Variants in SPON1 observed in about 807,000 individuals in gnomAD.
SPON1 encodes spondin-1.
In SPON1, 52 loss-of-function variants were observed where a neutral mutation model predicts 111.7. That is an observed-to-expected ratio of 0.47 (90% CI 0.37 to 0.59). The LOEUF is 0.59. Ranked by LOEUF, SPON1 falls within the 20% of genes least tolerant of loss-of-function variation. The pLI is 0.00. For missense variants in SPON1, 957 were observed against 1,068.5 expected (o/e 0.90, Z 1.46); for synonymous variants, 410 against 395.8 (o/e 1.04, Z -0.43).
At chr11:14,235,280 TG>T (rs1414405949) in intron 6 of SPON1, among the ~76,000 whole-genome samples, 1 of 152,190 alleles carries the variant, frequency 6.6e-6, no homozygotes, top group African/African-American at 2.4e-5. Context: ...TAGTTAAGCG[TG>T]TTCCCAACAC....
At chr11:14,205,106 C>T (rs1848504263) in intron 6 of SPON1, among the ~76,000 whole-genome samples, 1 of 152,204 alleles carries the variant, frequency 6.6e-6, no homozygotes, top group Admixed American at 6.5e-5. Context: ...TTCCATTTGC[C>T]TGGAATGTTC....
rs138247053 is a variant in SPON1, at chr11:14,158,899, C to T, written c.825+23331C>T. 3.9e-3 allele frequency among the ~76,000 whole-genome samples: 591 copies of T among 152,258 alleles called. 4 individuals carry two copies. Among genetic ancestry groups the T allele is most frequent in the African/African-American group, 0.014 (565 of 41,556 alleles). ...CTGATTTGTGTCTCTAACCCAATCT[C>T]ACTTGCTGGTATCAGTTCTAATATG... On this transcript the variant is annotated intron_variant, in intron 6 of 15. Coordinates refer to ENST00000576479, the MANE Select transcript of SPON1 (RefSeq NM_006108.4).
intron 2 of SPON1, among the ~76,000 whole-genome samples, chr11:13,988,120 T>C (rs567839978): frequency 1.3e-5 from 2 of 152,322 alleles, no homozygotes; most frequent in Admixed American, 6.5e-5. Context: ...GGGGATAGCA[T>C]TGAATCTATA....
chr11:14,154,564 G>A (rs553813238), intron 6 of SPON1, among the ~76,000 whole-genome samples: 122 of 152,284 alleles, frequency 8.0e-4, no homozygotes, highest in Non-Finnish European at 1.3e-3. Flanking sequence ...TTCCCTCTTG[G>A]GACTCTGGGC....
At chr11:14,171,773 T>G (rs1278782821) in intron 6 of SPON1, among the ~76,000 whole-genome samples, 1 of 152,170 alleles carries the variant, frequency 6.6e-6, no homozygotes, top group Non-Finnish European at 1.5e-5. Context: ...CAGGAGCAGG[T>G]TGTTCAGTTT....
intron 3 of SPON1, among the ~76,000 whole-genome samples, chr11:14,067,633 G>A (rs1206225617): frequency 1.3e-5 from 2 of 152,144 alleles, no homozygotes; most frequent in African/African-American, 2.4e-5. Context: ...GCTCTACTGC[G>A]AAGTTCCTGT....
chr11:14,059,359 A>G (rs1417369337), intron 3 of SPON1, among the ~76,000 whole-genome samples: 2 of 152,180 alleles, frequency 1.3e-5, no homozygotes, highest in Non-Finnish European at 2.9e-5. Flanking sequence ...ATGGAAACTG[A>G]ATAAAGCAAA....
chr11:14,191,481 AT>A (rs1462287235), intron 6 of SPON1, among the ~76,000 whole-genome samples: 2 of 152,182 alleles, frequency 1.3e-5, no homozygotes, highest in African/African-American at 4.8e-5. Context: ...AGGCAGGCAC[AT>A]TTTGTTCTTC....
intron 6 of SPON1, among the ~76,000 whole-genome samples, chr11:14,239,714 G>A (rs1345656934): frequency 1.3e-5 from 2 of 152,224 alleles, no homozygotes; most frequent in Non-Finnish European, 2.9e-5. Context: ...GACAAAGTGA[G>A]ACCCTGTCTC....
chr11:14,260,759 C>T lies in SPON1; in HGVS notation c.1996+7C>T. The T allele has an allele frequency of 6.2e-7, 1 of 1,611,934 alleles. No homozygotes were observed. The highest frequency in any genetic ancestry group is 8.5e-7 in the Non-Finnish European group (1 of 1,178,718). On this transcript the variant is annotated splice_region_variant and intron_variant, in intron 14 of 15. Coordinates refer to ENST00000576479, the MANE Select transcript of SPON1 (RefSeq NM_006108.4). ...TGCATGCTCCCTGAATGCCGTAAGT[C>T]CTGGAGCTCCTCAAGGCCCATCACT...
chr11:14,153,120 T>A (rs1247462855), intron 6 of SPON1, among the ~76,000 whole-genome samples: 4 of 152,222 alleles, frequency 2.6e-5, no homozygotes, highest in African/African-American at 9.7e-5. Context: ...GTTTTACTTC[T>A]TCTTCTATCT....
intron 3 of SPON1, among the ~76,000 whole-genome samples, chr11:14,051,041 T>C (rs1184013931): frequency 5.9e-5 from 9 of 152,220 alleles, no homozygotes; most frequent in African/African-American, 2.2e-4. Context: ...ACTGCAACAG[T>C]GGTTGGAGTC....
intron 6 of SPON1, among the ~76,000 whole-genome samples, chr11:14,155,373 T>C (rs1554930271): frequency 2.6e-5 from 4 of 152,140 alleles, no homozygotes; most frequent in African/African-American, 9.7e-5. Flanking sequence ...ACAGGAAGCA[T>C]GGCTGGGAAG....
At chr11:14,136,282 A>G (rs1041764674) in intron 6 of SPON1, among the ~76,000 whole-genome samples, 1 of 152,198 alleles carries the variant, frequency 6.6e-6, no homozygotes, top group African/African-American at 2.4e-5. Flanking sequence ...AGCTTTAGCC[A>G]TCACTACCCA....
At chr11:14,028,916 T>C (rs1848538739) in intron 2 of SPON1, among the ~76,000 whole-genome samples, 1 of 152,178 alleles carries the variant, frequency 6.6e-6, no homozygotes, top group Admixed American at 6.5e-5. Context: ...AGGAGCACAT[T>C]TCACCTGGTT....
intron 6 of SPON1, among the ~76,000 whole-genome samples, chr11:14,184,352 T>C (rs989203858): frequency 5.9e-5 from 9 of 152,232 alleles, no homozygotes; most frequent in African/African-American, 1.9e-4. Flanking sequence ...TAAATCTTAC[T>C]AATAACTCCT....
intron 5 of SPON1, among the ~76,000 whole-genome samples, chr11:14,101,878 T>C (rs989625039): frequency 6.6e-6 from 1 of 152,210 alleles, no homozygotes; most frequent in Admixed American, 6.5e-5. Context: ...TTCAAATTTA[T>C]ATAAAAGTTG....
At chr11:14,039,092 C>T (rs1439247138) in intron 2 of SPON1, among the ~76,000 whole-genome samples, 2 of 152,298 alleles carry the variant, frequency 1.3e-5, no homozygotes, top group Admixed American at 1.3e-4. Context: ...AGAAGCCAAT[C>T]TGGAAAAGCT....
At chr11:14,205,942 CT>C (rs1325221971) in intron 6 of SPON1, among the ~76,000 whole-genome samples, 2 of 152,122 alleles carry the variant, frequency 1.3e-5, no homozygotes, top group African/African-American at 4.8e-5. Context: ...CCAACACTTG[CT>C]ACTTTCCCCA....
Sources: gnomAD v4.1 joint callset for allele counts (sites outside exome capture counted in the v4.1 genomes callset) on GRCh38, gnomAD v4.1.1 for gene constraint, MANE v1.5 for transcripts, NCBI Gene and HGNC (gene_info 2026-07-23, HGNC 2026-07-21) for gene names.